Variants in PGGT1B observed in about 807,000 individuals in gnomAD.
The protein encoded by PGGT1B is geranylgeranyl transferase type-1 subunit beta.
In PGGT1B, 30 loss-of-function variants were observed where a neutral mutation model predicts 46.1. That is an observed-to-expected ratio of 0.65 (90% confidence interval 0.49 to 0.88). PGGT1B has a LOEUF of 0.88. Ranked by LOEUF, PGGT1B falls within the 40% of genes least tolerant of loss-of-function variation. The pLI is 0.00. For synonymous variants in PGGT1B, 170 were observed against 160.0 expected, an observed-to-expected ratio of 1.06 and a Z score of -0.47; for missense variants, 376 against 455.9, an observed-to-expected ratio of 0.82 and a Z score of 1.60.
intron 2 of PGGT1B, among the ~76,000 whole-genome samples, chr5:115,249,777 T>C (rs1033003214): frequency 3.0e-4 from 46 of 152,200 alleles, no homozygotes; most frequent in African/African-American, 1.1e-3. Context: ...ATCTAATATA[T>C]ATGACAGACA....
chr5:115,251,224 G>C (rs906816320), intron 2 of PGGT1B, among the ~76,000 whole-genome samples: 3 of 152,086 alleles, frequency 2.0e-5, no homozygotes, highest in Non-Finnish European at 2.9e-5. Context: ...CAGTGAATGA[G>C]AGTTCCAGTT....
At chr5:115,255,588 A>G (rs563989995) in intron 1 of PGGT1B, among the ~76,000 whole-genome samples, 1 of 152,344 alleles carries the variant, frequency 6.6e-6, no homozygotes, top group South Asian at 2.1e-4. Context: ...GGGCAAAAAG[A>G]AGACAGAGAC....
chr5:115,251,370 T>C (rs1005867228), intron 2 of PGGT1B, among the ~76,000 whole-genome samples: 2 of 152,096 alleles, frequency 1.3e-5, no homozygotes, highest in African/African-American at 4.8e-5. Flanking sequence ...GATTAAATAA[T>C]GAGAAGAAGT....
intron 2 of PGGT1B, among the ~76,000 whole-genome samples, chr5:115,243,723 TG>T (rs1156537723): frequency 2.6e-5 from 4 of 152,166 alleles, no homozygotes. Flanking sequence ...TTGGAGGCTT[TG>T]GGGGAACAAT....
At chr5:115,252,053 C>T (rs1338896840) in intron 2 of PGGT1B, among the ~76,000 whole-genome samples, 1 of 152,096 alleles carries the variant, frequency 6.6e-6, no homozygotes, top group Non-Finnish European at 1.5e-5. Flanking sequence ...TATCACAGCT[C>T]TTCTCTACAG....
chr5:115,230,710 A>G (rs1580756996), intron 6 of PGGT1B, among the ~76,000 whole-genome samples: 1 of 152,138 alleles, frequency 6.6e-6, no homozygotes, highest in Admixed American at 6.6e-5. Flanking sequence ...CAATCCCAAG[A>G]TATTTTCATG....
At chr5:115,221,042 T>C (rs564512170) in intron 7 of PGGT1B, among the ~76,000 whole-genome samples, 1 of 152,086 alleles carries the variant, frequency 6.6e-6, no homozygotes, top group South Asian at 2.1e-4. Context: ...ACCTGAGAAA[T>C]GGTACTACAA....
At chr5:115,253,805 G>A (rs187361541) in intron 1 of PGGT1B, among the ~76,000 whole-genome samples, 244 of 152,078 alleles carry the variant, frequency 1.6e-3, no homozygotes, top group Middle Eastern at 3.4e-3. Flanking sequence ...TATTTTCCCA[G>A]AGAGGAGCAT....
chr5:115,205,659 T>A lies in PGGT1B; in HGVS notation c.*6743A>T, dbSNP rs1329807315. ...TTGAGGAACGAAGCCACAAAGGTCT[T>A]TTCTAATGCCACAATTATTACAAGT... On this transcript the variant is annotated 3_prime_UTR_variant, in exon 9 of 9. Coordinates refer to ENST00000419445, the MANE Select transcript of PGGT1B (RefSeq NM_005023.4). 6.6e-6 allele frequency: 1 copy of A among 152,084 alleles called. No individual in the cohort carries two copies. The highest frequency in any genetic ancestry group is 6.6e-5 in the Admixed American group (1 of 15,254). The allele number at this position is 152,084 out of a possible 1,614,324, so 9.4% of individuals were successfully genotyped here.
intron 5 of PGGT1B, among the ~76,000 whole-genome samples, chr5:115,235,250 A>G (rs1324899978): frequency 6.6e-6 from 1 of 152,068 alleles, no homozygotes; most frequent in South Asian, 2.1e-4. Flanking sequence ...AAGAAACTGA[A>G]GTCCATAGAG....
chr5:115,225,801 AC>A (rs1462533868), intron 6 of PGGT1B, among the ~76,000 whole-genome samples: 1 of 151,804 alleles, frequency 6.6e-6, no homozygotes, highest in Non-Finnish European at 1.5e-5. Flanking sequence ...GTGTGCCACC[AC>A]ATTTGGCTAA....
chr5:115,252,262 A>ATT (rs1158179756), intron 2 of PGGT1B, among the ~76,000 whole-genome samples: 4 of 152,100 alleles, frequency 2.6e-5, no homozygotes, highest in African/African-American at 9.6e-5. Flanking sequence ...AAATAGGCAT[A>ATT]GATTTAAAAA....
rs1215975418 is a variant in PGGT1B, at chr5:115,204,483, T to A, written c.*7919A>T. 1 of 152,150 alleles carries A rather than the reference T, an allele frequency of 6.6e-6. No homozygotes were observed. The highest frequency in any genetic ancestry group is 1.5e-5 in the Non-Finnish European group (1 of 68,030). The allele number at this position is 152,150 out of a possible 1,614,324, so 9.4% of individuals were successfully genotyped here. ...TTGGCATTAATTCATACAGCACATATAAAGAATTAACCTCCCCCCAAACTT... is the reference window on the plus strand; with the variant it reads ...TTGGCATTAATTCATACAGCACATAAAAAGAATTAACCTCCCCCCAAACTT... On this transcript the variant is annotated 3_prime_UTR_variant, in exon 9 of 9. Coordinates refer to ENST00000419445, the MANE Select transcript of PGGT1B (RefSeq NM_005023.4).
At chr5:115,213,409 G>GT (rs904370481) in intron 8 of PGGT1B, among the ~76,000 whole-genome samples, 15 of 152,116 alleles carry the variant, frequency 9.9e-5, no homozygotes, top group African/African-American at 3.4e-4. Context: ...TAAAAAGACA[G>GT]TTTTGTACCA....
rs1057311579 is a variant in PGGT1B at position 115,204,542 on chromosome 5, G to A, written c.*7860C>T. ...TTGATTTCCACACATTATCAATAAC[G>A]GAATACCATTTTCACCCACCTAGAA... On this transcript the variant is annotated 3_prime_UTR_variant, in exon 9 of 9. Coordinates refer to ENST00000419445, the MANE Select transcript of PGGT1B (RefSeq NM_005023.4). 25 of 151,948 alleles carry A rather than the reference G, an allele frequency of 1.6e-4. No homozygotes were observed. Among genetic ancestry groups the A allele is most frequent in the African/African-American group, 5.3e-4 (22 of 41,362 alleles). 9.4% of individuals were successfully genotyped at this position (151,948 alleles called of 1,614,324 possible). A position where few individuals can be genotyped will look rare whatever the true frequency, so the allele number is the denominator to read the frequency against.
rs1756883008 is a variant in PGGT1B, at chr5:115,228,899, T to C, written c.658+2077A>G. Among the ~76,000 whole-genome samples, 2 of 152,126 alleles carry C rather than the reference T, an allele frequency of 1.3e-5. 1 individual carries two copies. Among genetic ancestry groups the C allele is most frequent in the South Asian group, 4.2e-4 (2 of 4,818 alleles). The stretch of plus-strand genomic sequence containing the variant: ...TCACTCATGACTTTCAAAGACAAAC[T>C]TCCTAAGTTGCTAAAGGCTTACACA... On this transcript the variant is annotated intron_variant, in intron 6 of 8. Coordinates refer to ENST00000419445, the MANE Select transcript of PGGT1B (RefSeq NM_005023.4).
rs1051360721 is a variant in PGGT1B at position 115,209,703 on chromosome 5, T to C, written c.*2699A>G. ...TGAGGTTAAACTGTTAAGACCTCTT[T>C]CTGTTGTAGAAGAGAGGTTTTAATT... On this transcript the variant is annotated 3_prime_UTR_variant, in exon 9 of 9. Transcript: ENST00000419445. 8 of 152,162 alleles carry C rather than the reference T, an allele frequency of 5.3e-5. No individual in the cohort carries two copies. The highest frequency in any genetic ancestry group is 1.9e-4 in the African/African-American group (8 of 41,456). 9.4% of individuals were successfully genotyped at this position (152,162 alleles called of 1,614,324 possible). A position where few individuals can be genotyped will look rare whatever the true frequency, so the allele number is the denominator to read the frequency against.
At chr5:115,243,838 A>G (rs1266565452) in intron 2 of PGGT1B, among the ~76,000 whole-genome samples, 1 of 151,794 alleles carries the variant, frequency 6.6e-6, no homozygotes, top group African/African-American at 2.4e-5. Flanking sequence ...TTGCTCCTAG[A>G]TCCTCTCTTG....
rs1257983561 is a variant in PGGT1B, at chr5:115,211,043, T to C, written c.*1359A>G. On this transcript the variant is annotated 3_prime_UTR_variant, in exon 9 of 9. Transcript: ENST00000419445. ...GAAAAAAAGATAACATTTAAAGTAT[T>C]ACAATGCCTAAACAGTGATACCAGT... 6.6e-6 allele frequency: 1 copy of C among 152,086 alleles called. No individual in the cohort carries two copies. The highest frequency in any genetic ancestry group is 1.5e-5 in the Non-Finnish European group (1 of 67,936). The allele number at this position is 152,086 out of a possible 1,614,324, so 9.4% of individuals were successfully genotyped here.
Sources: allele counts gnomAD v4.1 joint callset (sites outside exome capture counted in the v4.1 genomes callset), GRCh38; gene constraint gnomAD v4.1.1; transcripts MANE v1.5; gene names NCBI Gene and HGNC (gene_info 2026-07-23, HGNC 2026-07-21).